The following TNXB variants were observed in gnomAD, a reference collection of about 807,000 sequenced individuals.
TNXB encodes the protein tenascin XB.
Under a neutral mutation model 340.5 loss-of-function variants are expected in TNXB, and 183 were observed. That is an observed-to-expected ratio of 0.54 (90% confidence interval 0.48 to 0.61). The LOEUF is 0.61. TNXB is among the 20% of genes least tolerant of loss of function. The pLI is 0.00. For synonymous variants in TNXB, 2,121 were observed against 2,314.5 expected (o/e 0.92, Z 2.40); for missense variants, 4,613 against 5,446.4 (o/e 0.85, Z 4.82).
rs1272702294 is a variant in TNXB at position 32,063,851 on chromosome 6, T to C, written c.6841+970A>G. ...CTTACAAAAGCATCAAAGAGCCGAG[T>C]TACAGGGTAATGAAAGGAAAATGCC... is the stretch of plus-strand genomic sequence containing the variant. On this transcript the variant is annotated intron_variant, in intron 19 of 43. Coordinates refer to ENST00000644971, the MANE Select transcript of TNXB (RefSeq NM_001365276.2). Among the ~76,000 whole-genome samples, 26 of 152,046 alleles carry C rather than the reference T, an allele frequency of 1.7e-4. 1 individual carries two copies. Among genetic ancestry groups the C allele is most frequent in the Admixed American group, 1.7e-3 (26 of 15,266 alleles).
At chr6:32,100,802 C>A (rs927969058) in intron 1 of TNXB, among the ~76,000 whole-genome samples, 2 of 152,034 alleles carry the variant, frequency 1.3e-5, no homozygotes, top group Admixed American at 1.3e-4. Flanking sequence ...AAGAAGGCAG[C>A]TGGGTGTGGT....
intron 1 of TNXB, among the ~76,000 whole-genome samples, chr6:32,106,327 G>A (rs1780979486): frequency 6.6e-6 from 1 of 151,952 alleles, no homozygotes; most frequent in Non-Finnish European, 1.5e-5. Flanking sequence ...AGTGTGAGGG[G>A]GCCAGTCAGG....
chr6:32,052,043 C>T lies in TNXB; in HGVS notation c.9115+627G>A, dbSNP rs1777310162. Among the ~76,000 whole-genome samples, 1 of 152,068 alleles carries T rather than the reference C, an allele frequency of 6.6e-6. No homozygotes were observed. The highest frequency in any genetic ancestry group is 2.4e-5 in the African/African-American group (1 of 41,374). ...AGTGGACTTCATGCTGGACTGCAAA[C>T]TAGAAAGCGATTAGAATGGCGAATT... On this transcript the variant is annotated intron_variant, in intron 26 of 43. Transcript: ENST00000644971. This position sits in a 1 kb window ranked among gnomAD's most constrained non-coding sequence, Gnocchi z 4.7.
At position 32,067,736 on chromosome 6, in the gene TNXB, G is replaced by A. The variant is rs369153948; in HGVS notation, c.6469C>T (p.Arg2157Cys). The A allele has an allele frequency of 4.6e-5, 74 of 1,613,784 alleles. No individual in the cohort carries two copies. The highest frequency in any genetic ancestry group is 5.9e-5 in the Non-Finnish European group (70 of 1,179,878). The change falls in exon 18 of 44, where the codon CGC (arginine) becomes TGC (cysteine). Residue 2157 changes from arginine (R) to cysteine (C), a missense_variant. Physicochemically the swap from Arg to Cys is radical, Grantham distance 180. Transcript: ENST00000644971. The surrounding 1 kb of genome is among the most constrained non-coding windows in gnomAD (Gnocchi z 4.2). Reference sequence around the variant, plus strand: ...CCGTACAGGTGCATCTTGTACTTGCGCCCAGGCTCCAGGCCCCCCACGGTG... The same window carrying A: ...CCGTACAGGTGCATCTTGTACTTGCACCCAGGCTCCAGGCCCCCCACGGTG... ...EVTVGGLEPG[R>C]KYKMHLYGLH...
chr6:32,069,519 G>C lies in TNXB; in HGVS notation c.5587+34C>G. ...TCAGACCAGGAGAGCCAGGCGGGAA[G>C]GAGGCACAGGTGTTCCAGCTGCCGC... On this transcript the variant is annotated intron_variant, in intron 15 of 43. Coordinates refer to ENST00000644971, the MANE Select transcript of TNXB (RefSeq NM_001365276.2). This position sits in a 1 kb window ranked among gnomAD's most constrained non-coding sequence, Gnocchi z 6.2. 1 of 1,519,314 alleles carries C rather than the reference G, an allele frequency of 6.6e-7. No individual in the cohort carries two copies. The highest frequency in any genetic ancestry group is 1.4e-5 in the African/African-American group (1 of 72,604). The allele number at this position is 1,519,314 out of a possible 1,614,324, so 94.1% of individuals were successfully genotyped here.
Position 32,074,006 on chromosome 6 carries a change from T to G in TNXB, c.4376-54A>C, listed in dbSNP as rs1160050926. The G allele has an allele frequency of 4.3e-6, 6 of 1,384,194 alleles. No individual in the cohort carries two copies. Among genetic ancestry groups the G allele is most frequent in the Non-Finnish European group, 5.8e-6 (6 of 1,031,696 alleles). 85.7% of individuals were successfully genotyped at this position (1,384,194 alleles called of 1,614,324 possible). A position where few individuals can be genotyped will look rare whatever the true frequency, so the allele number is the denominator to read the frequency against. ...GTAAAGAATCCCCCTTTTCTTATAG[T>G]AATGATGTCTAGTTATTTATTTTTT... On this transcript the variant is annotated intron_variant, in intron 11 of 43. Transcript: ENST00000644971. The surrounding 1 kb of genome is among the most constrained non-coding windows in gnomAD (Gnocchi z 5.5).
At position 32,068,901 on chromosome 6, in the gene TNXB, G is replaced by A. The variant is rs116094055; in HGVS notation, c.5823C>T (p.Ser1941=). The change falls in exon 16 of 44, where the codon TCC becomes TCT. Residue 1941 remains serine, a synonymous_variant. Coordinates refer to ENST00000644971, the MANE Select transcript of TNXB (RefSeq NM_001365276.2). The surrounding 1 kb of genome is among the most constrained non-coding windows in gnomAD (Gnocchi z 5.3). ...RNDITLSGLE[S]DHRYLVTLYG... ...ACAGGGTCACCAGGTATCTGTGGTCGGATTCCAGGCCAGAGAGGGTGATGT... is the reference window on the plus strand; with the variant it reads ...ACAGGGTCACCAGGTATCTGTGGTCAGATTCCAGGCCAGAGAGGGTGATGT... The A allele has an allele frequency of 4.6e-3, 7,394 of 1,612,814 alleles. 97 individuals carry two copies. The highest frequency in any genetic ancestry group is 0.046 in the African/African-American group (3,427 of 75,028).
chr6:32,095,178 A>C lies in TNXB; in HGVS notation c.2256T>G (p.Ile752Met), dbSNP rs1477314352. 6.5e-7 allele frequency: 1 copy of C among 1,549,740 alleles called. No individual in the cohort carries two copies. The highest frequency in any genetic ancestry group is 1.2e-5 in the South Asian group (1 of 83,688). ...CCAAGAGATGCATCCTCATGCCCTC[A>C]ATGGTTGGCACCTCTGCCCAAGAGA... ...GEDCGEEVPT[I>M]EGMRMHLLEE... Residue 752 changes from isoleucine to methionine, a missense_variant, in exon 4 of 44, where the codon ATT (isoleucine) becomes ATG (methionine). Around this residue, in one of 7 missense-constraint regions of TNXB, gnomAD observed 4,327 missense variants for 4,859.4 expected, o/e 0.89. Transcript: ENST00000644971.
In TNXB at chr6:32,067,844, G is replaced by A. The variant is rs551088850; in HGVS notation, c.6361C>T (p.Arg2121Cys). 11 of 1,613,086 alleles carry A rather than the reference G, an allele frequency of 6.8e-6. No homozygotes were observed. Among genetic ancestry groups the A allele is most frequent in the Admixed American group, 5.0e-5 (3 of 60,024 alleles). ...LSLSWTVPQGRFDSFTVQYKD... is the reference protein window; with the variant it reads ...LSLSWTVPQGCFDSFTVQYKD... The stretch of plus-strand genomic sequence containing the variant: ...TACTGCACGGTGAAGGAGTCGAAGC[G>A]GCCCTGGGGGACGGTCCAGGAGAGG... The change falls in exon 18 of 44, where the codon CGC becomes TGC. Residue 2121 changes from arginine (R) to cysteine (C), a missense_variant. Transcript: ENST00000644971. This position sits in a 1 kb window ranked among gnomAD's most constrained non-coding sequence, Gnocchi z 4.2.
At chr6:32,045,933 C>A (rs968601716) in intron 31 of TNXB, 12 of 1,257,498 alleles carry the variant, frequency 9.5e-6, no homozygotes, top group Non-Finnish European at 1.0e-5. Context: ...GGGGCAGAGT[C>A]GGGGCTGGGA....
At position 32,095,682 on chromosome 6, in the gene TNXB, C is replaced by A. The variant is rs751040353; in HGVS notation, c.2171G>T (p.Arg724Leu). 1 of 1,614,052 alleles carries A rather than the reference C, an allele frequency of 6.2e-7. No individual in the cohort carries two copies. The highest frequency in any genetic ancestry group is 2.2e-5 in the East Asian group (1 of 44,884). Residue 724 changes from arginine (R) to leucine (L), a missense_variant, in exon 3 of 44, where the codon CGT becomes CTT. This residue lies in a region of TNXB where 4,327 missense variants were observed against 4,859.4 expected (regional missense o/e 0.89). Coordinates refer to ENST00000644971, the MANE Select transcript of TNXB (RefSeq NM_001365276.2). ...CAIQTCPGDC[R>L]GRGECHDGSC... ...GCCATCGTGACACTCTCCTCGGCCACGGCAGTCCCCTGGGCATGTCTGGAT... is the reference window on the plus strand; with the variant it reads ...GCCATCGTGACACTCTCCTCGGCCAAGGCAGTCCCCTGGGCATGTCTGGAT...
chr6:32,107,805 G>A (rs1416447104), intron 1 of TNXB, among the ~76,000 whole-genome samples: 1 of 152,032 alleles, frequency 6.6e-6, no homozygotes, highest in Non-Finnish European at 1.5e-5. Flanking sequence ...GCCTCCCTCT[G>A]ACCCTCCTGC....
rs181025235 is a variant in TNXB at position 32,069,698 on chromosome 6, G to C, written c.5442C>G (p.Asp1814Glu). ...DSFVVQYKDRDGQPQVVPVEG... is the reference protein window; with the variant it reads ...DSFVVQYKDREGQPQVVPVEG... ...CCACGGGCACCACCTGGGGCTGCCC[G>C]TCCCTGTCTTTGTACTGGACCACAA... Residue 1814 changes from aspartate to glutamate, a missense_variant, in exon 15 of 44, where the codon GAC (aspartate) becomes GAG (glutamate). By Grantham distance (45) the Asp-to-Glu change is conservative. Around this residue, in one of 7 missense-constraint regions of TNXB, gnomAD observed 4,327 missense variants for 4,859.4 expected, o/e 0.89. Transcript: ENST00000644971. The surrounding 1 kb of genome is among the most constrained non-coding windows in gnomAD (Gnocchi z 6.2). 1,139 of 1,612,374 alleles carry C rather than the reference G, an allele frequency of 7.1e-4. 30 individuals carry two copies. The East Asian group carries it at 0.025, about 35-fold the overall frequency.
intron 1 of TNXB, among the ~76,000 whole-genome samples, chr6:32,107,538 T>C (rs2127311193): frequency 6.6e-6 from 1 of 152,168 alleles, no homozygotes; most frequent in South Asian, 2.1e-4. Flanking sequence ...CCCCTGCCAC[T>C]ATGTCTGGGG....
At chr6:32,101,009 C>T (rs190687933) in intron 1 of TNXB, among the ~76,000 whole-genome samples, 2 of 125,124 alleles carry the variant, frequency 1.6e-5, no homozygotes, top group South Asian at 2.8e-4. Context: ...AAACTGGAGG[C>T]GGAGGTTGCA....
At chr6:32,106,326 G>A (rs1780979318) in intron 1 of TNXB, among the ~76,000 whole-genome samples, 2 of 151,948 alleles carry the variant, frequency 1.3e-5, no homozygotes, top group South Asian at 4.1e-4. Flanking sequence ...GAGTGTGAGG[G>A]GGCCAGTCAG....
Position 32,051,972 on chromosome 6 carries a change from G to C in TNXB, c.9115+698C>G, listed in dbSNP as rs1777306232. On this transcript the variant is annotated intron_variant, in intron 26 of 43. Coordinates refer to ENST00000644971, the MANE Select transcript of TNXB (RefSeq NM_001365276.2). This position sits in a 1 kb window ranked among gnomAD's most constrained non-coding sequence, Gnocchi z 4.7. Reference sequence around the variant, plus strand: ...CTAGTGGGTAGGAAGTTTCAGTGTGGGAAGAGGAGTTCTGGAAGTGGAGGG... The same window carrying C: ...CTAGTGGGTAGGAAGTTTCAGTGTGCGAAGAGGAGTTCTGGAAGTGGAGGG... 6.6e-6 allele frequency among the ~76,000 whole-genome samples: 1 copy of C among 152,176 alleles called. No individual in the cohort carries two copies. Among genetic ancestry groups the C allele is most frequent in the Non-Finnish European group, 1.5e-5 (1 of 68,038 alleles).
In TNXB at chr6:32,047,651, C is replaced by G. The variant is rs118104272; in HGVS notation, c.10324+83G>C. The G allele has an allele frequency of 6.2e-6, 9 of 1,461,746 alleles. No homozygotes were observed. The highest frequency in any genetic ancestry group is 6.3e-6 in the Non-Finnish European group (7 of 1,102,732). 90.5% of individuals were successfully genotyped at this position (1,461,746 alleles called of 1,614,324 possible). A position where few individuals can be genotyped will look rare whatever the true frequency, so the allele number is the denominator to read the frequency against. On this transcript the variant is annotated intron_variant, in intron 30 of 43. Coordinates refer to ENST00000644971, the MANE Select transcript of TNXB (RefSeq NM_001365276.2). The surrounding 1 kb of genome is among the most constrained non-coding windows in gnomAD (Gnocchi z 6.2). ...TTGTGTCAGGGCTGATAGAGGGAAT[C>G]TCACGGGAAGGCTGCAGGGCCAGCT...
Position 32,084,328 on chromosome 6 carries a change from C to G in TNXB, c.3445+85G>C. On this transcript the variant is annotated intron_variant, in intron 8 of 43. Coordinates refer to ENST00000644971, the MANE Select transcript of TNXB (RefSeq NM_001365276.2). This position sits in a 1 kb window ranked among gnomAD's most constrained non-coding sequence, Gnocchi z 5.5. ...CACCACTGCCTCCAGGAAGCCTTCC[C>G]GGAGCTCCCAAAGCAGGTTCCCAAA... The G allele has an allele frequency of 7.5e-7, 1 of 1,341,718 alleles. No homozygotes were observed. The highest frequency in any genetic ancestry group is 1.7e-5 in the South Asian group (1 of 58,264). 83.1% of individuals were successfully genotyped at this position (1,341,718 alleles called of 1,614,324 possible).
Sources: allele counts gnomAD v4.1 joint callset (sites outside exome capture counted in the v4.1 genomes callset), GRCh38; gene constraint gnomAD v4.1.1; regional missense constraint gnomAD v4.1.1; non-coding constraint Gnocchi (gnomAD v3.1); transcripts MANE v1.5; gene names NCBI Gene and HGNC (gene_info 2026-07-23, HGNC 2026-07-21).